PCID2: variants seen among roughly 807,000 people sequenced by gnomAD.
PCID2 encodes PCI domain containing 2.
Under a neutral mutation model 61.3 loss-of-function variants are expected in PCID2, and 41 were observed. The observed-to-expected ratio is 0.67, with a 90% CI of 0.52 to 0.87. The LOEUF is 0.87. Among genes scored for constraint, PCID2 ranks in the 40% least tolerant of loss-of-function variants. PCID2 has a pLI of 0.00. For missense variants in PCID2, 392 were observed against 493.4 expected (o/e 0.79, Z 1.95); for synonymous variants, 187 against 177.8 (o/e 1.05, Z -0.41).
In PCID2 at chr13:113,178,142, C is replaced by G; in HGVS notation, c.*56G>C. 7.3e-7 allele frequency: 1 copy of G among 1,371,486 alleles called. No homozygotes were observed. 85.0% of individuals were successfully genotyped at this position (1,371,486 alleles called of 1,614,324 possible). ...TGCAGTACCGGACCGGTCTCATCAG[C>G]ACAACCAAAGTGGAAAGAAACAACT... On this transcript the variant is annotated 3_prime_UTR_variant, in exon 14 of 14. Coordinates refer to ENST00000337344, the MANE Select transcript of PCID2 (RefSeq NM_001127202.4).
At chr13:113,176,529 A>G, downstream of PCID2, among the ~76,000 whole-genome samples, 2 of 152,290 alleles carry the variant, frequency 1.3e-5, no homozygotes, top group Non-Finnish European at 2.9e-5. Context: ...TGGGAGGCCG[A>G]GGTGGGGGAA....
In PCID2 at chr13:113,190,940, T is replaced by C. The variant is rs2038562263; in HGVS notation, c.399A>G (p.Lys133=). 2 of 1,613,540 alleles carry C rather than the reference T, an allele frequency of 1.2e-6. No homozygotes were observed. The highest frequency in any genetic ancestry group is 1.7e-5 in the Admixed American group (1 of 59,946). ...CTGCTTTTTCCAACATGTCCCCAAC[T>C]TTGCTTTTTCCTTTCTTTACCAACT... ...DQQLVKKGKS[K]VGDMLEKAAE... is the part of the protein sequence containing the mutation. The change falls in exon 7 of 14, where the codon AAA becomes AAG. Residue 133 remains lysine (K), a synonymous_variant. Coordinates refer to ENST00000337344, the MANE Select transcript of PCID2 (RefSeq NM_001127202.4).
rs1342931482 is a variant in PCID2, at chr13:113,179,001, C to G, written c.1075G>C (p.Glu359Gln). 1 of 1,613,510 alleles carries G rather than the reference C, an allele frequency of 6.2e-7. No homozygotes were observed. Among genetic ancestry groups the G allele is most frequent in the East Asian group, 2.2e-5 (1 of 44,892 alleles). ...AAGTTAGCCAGAATACACTGAACTTCGTCAATGTCCACGTCCTCCACCTGC... is the reference window on the plus strand; with the variant it reads ...AAGTTAGCCAGAATACACTGAACTTGGTCAATGTCCACGTCCTCCACCTGC... The part of the protein sequence containing the change: ...FMQVEDVDID[E>Q]VQCILANLIY... Residue 359 changes from glutamate to glutamine, a missense_variant, in exon 13 of 14, where the codon GAA becomes CAA. Around this residue, in one of 3 missense-constraint regions of PCID2, gnomAD observed 226 missense variants for 296.5 expected, o/e 0.76. Coordinates refer to ENST00000337344, the MANE Select transcript of PCID2 (RefSeq NM_001127202.4). This position sits in a 1 kb window ranked among gnomAD's most constrained non-coding sequence, Gnocchi z 4.3.
intron 10 of PCID2, among the ~76,000 whole-genome samples, chr13:113,180,759 AAT>A (rs753819781): frequency 1.1e-4 from 17 of 152,378 alleles, no homozygotes; most frequent in Non-Finnish European, 2.1e-4. Flanking sequence ...AACTAAATGA[AAT>A]ACCCACAGAG....
In PCID2 at chr13:113,207,952, A is replaced by G. The variant is rs112762995; in HGVS notation, c.36+647T>C. ...CACAGTGCTGGTTCTGAAGACAGGC[A>G]TAGTTTAGTGGAAAGAATATGCGTT... On this transcript the variant is annotated intron_variant, in intron 1 of 13. Transcript: ENST00000337344. 4.5e-4 allele frequency: 586 copies of G among 1,310,222 alleles called. 1 individual carries two copies. In the African/African-American group the frequency reaches 7.2e-3, roughly 16 times the overall value. 81.2% of individuals were successfully genotyped at this position (1,310,222 alleles called of 1,614,324 possible).
At chr13:113,187,147 T>C (rs2038189196) in intron 7 of PCID2, 2 of 152,192 alleles carry the variant, frequency 1.3e-5, no homozygotes, top group Non-Finnish European at 1.5e-5. Flanking sequence ...GTTCTATGAC[T>C]TCAAAGAGCT....
chr13:113,203,827 T>C (rs1207252483), intron 1 of PCID2, among the ~76,000 whole-genome samples: 1 of 152,166 alleles, frequency 6.6e-6, no homozygotes, highest in South Asian at 2.1e-4. Flanking sequence ...TAGTTGGCCC[T>C]GGGATGGAAG....
rs761966828 is a variant in PCID2 at position 113,185,491 on chromosome 13, G to C, written c.537C>G (p.Tyr179Ter). 1.8e-5 allele frequency: 29 copies of C among 1,609,712 alleles called. No homozygotes were observed. The highest frequency in any genetic ancestry group is 2.3e-5 in the Non-Finnish European group (27 of 1,176,088). The stretch of plus-strand genomic sequence containing the variant: ...GATTCAAACAGAAGCACACCTTGAA[G>C]TAGATTTTAAACAGCTGGTTCACCA... ...LFLVNQLFKI[Y>*]FKINKLHLCK... is the part of the protein sequence containing the mutation. The change falls in exon 8 of 14, where the codon TAC (tyrosine) becomes TAG (stop). Residue 179 changes from tyrosine (Y) to a stop codon, truncating the protein, a stop_gained. Coordinates refer to ENST00000337344, the MANE Select transcript of PCID2 (RefSeq NM_001127202.4). LOFTEE classifies it high-confidence loss of function.
chr13:113,174,929 A>C (rs935805566), downstream of PCID2, among the ~76,000 whole-genome samples: 2 of 152,182 alleles, frequency 1.3e-5, no homozygotes, highest in African/African-American at 4.8e-5. Context: ...ACAGGCCTTG[A>C]CTTTGCGTCT....
chr13:113,193,262 T>C (rs968517498), intron 6 of PCID2, among the ~76,000 whole-genome samples: 3 of 152,050 alleles, frequency 2.0e-5, no homozygotes, highest in Non-Finnish European at 4.4e-5. Flanking sequence ...GAAGCCACAT[T>C]GTAACTAACC....
intron 7 of PCID2, chr13:113,186,089 A>G (rs2038088022): frequency 6.5e-6 from 1 of 154,328 alleles, no homozygotes; most frequent in African/African-American, 2.4e-5. Flanking sequence ...AAAACAAACC[A>G]GTAAAACACA....
chr13:113,171,606 C>T, the PCID2 span: 54 of 1,614,084 alleles, frequency 3.3e-5, no homozygotes, highest in Non-Finnish European at 4.3e-5. The surrounding 1 kb of genome is among the most constrained non-coding windows in gnomAD (Gnocchi z 5.1). Flanking sequence ...TTTAACAGAA[C>T]GAGCCAAGAC....
At chr13:113,170,373 A>G in the PCID2 span, 2 of 1,288,908 alleles carry the variant, frequency 1.6e-6, no homozygotes, top group Non-Finnish European at 2.3e-6. Flanking sequence ...AATCCTGCAA[A>G]TTGTCACCAG....
At chr13:113,166,661 C>T in the PCID2 span, among the ~76,000 whole-genome samples, 1 of 152,212 alleles carries the variant, frequency 6.6e-6, no homozygotes, top group Non-Finnish European at 1.5e-5. Flanking sequence ...GGTCTATCAC[C>T]AGCTTTGCAA....
intron 1 of PCID2, 174 bp downstream of exon 1, chr13:113,208,422 GCCT>G: frequency 6.7e-7 from 1 of 1,490,472 alleles, no homozygotes; most frequent in South Asian, 1.3e-5. Context: ...AACTCGGGCC[GCCT>G]TCCCGAGTCC....
intron 2 of PCID2, 57 bp downstream of exon 2, chr13:113,200,370 A>G (rs181567214): frequency 6.1e-6 from 6 of 980,352 alleles, no homozygotes; most frequent in Non-Finnish European, 9.8e-6. Flanking sequence ...TTCTCTTAGG[A>G]AAGTGGTTAC....
rs1298393985 is a variant in PCID2 at position 113,196,208 on chromosome 13, G to A, written c.281C>T (p.Ala94Val). ...GTTTTCTTCTTTGTGGGCCTGGAAT[G>A]CTCGCAAGAATGATGTACTGTATTA... The part of the protein sequence containing the change: ...QTVIVQSFLR[A>V]FQAHKEENWA... The change falls in exon 5 of 14, where the codon GCA becomes GTA. Residue 94 changes from alanine to valine, a missense_variant. By Grantham distance (64) the Ala-to-Val change is moderately conservative. Coordinates refer to ENST00000337344, the MANE Select transcript of PCID2 (RefSeq NM_001127202.4). 1.9e-6 allele frequency: 3 copies of A among 1,602,700 alleles called. No homozygotes were observed. The highest frequency in any genetic ancestry group is 3.3e-5 in the Admixed American group (2 of 59,980).
the PCID2 span, chr13:113,165,016 G>A: frequency 1.2e-5 from 20 of 1,601,656 alleles, no homozygotes; most frequent in South Asian, 1.2e-4. Flanking sequence ...CTGAGAAGGC[G>A]CTGATTTTTA....
chr13:113,198,688 G>C (rs2039201285), intron 2 of PCID2, among the ~76,000 whole-genome samples: 2 of 152,082 alleles, frequency 1.3e-5, no homozygotes, highest in African/African-American at 4.8e-5. Flanking sequence ...CTGGGTGACA[G>C]AGGGAGACTC....
Sources: gnomAD v4.1 joint callset for allele counts (sites outside exome capture counted in the v4.1 genomes callset) on GRCh38, gnomAD v4.1.1 for gene constraint, gnomAD v4.1.1 regional missense constraint, Gnocchi (gnomAD v3.1) non-coding constraint, MANE v1.5 for transcripts, NCBI Gene and HGNC (gene_info 2026-07-23, HGNC 2026-07-21) for gene names.